SVIL: variants seen among roughly 807,000 people sequenced by gnomAD.
SVIL encodes the protein archvillin.
Under a neutral mutation model 240.4 loss-of-function variants are expected in SVIL, and 101 were observed. The ratio of observed to expected loss-of-function variants is 0.42; its 90% CI spans 0.36 to 0.50. SVIL has a LOEUF of 0.50. Ranked by LOEUF, SVIL falls within the 20% of genes least tolerant of loss-of-function variation. SVIL has a pLI of 0.01. For missense variants in SVIL, 2,512 were observed against 2,818.7 expected (o/e 0.89, Z 2.46); for synonymous variants, 999 against 1,100.0 (o/e 0.91, Z 1.82).
intron 1 of SVIL, among the ~76,000 whole-genome samples, chr10:29,701,238 G>A (rs1379910182): frequency 6.6e-6 from 1 of 152,028 alleles, no homozygotes; most frequent in Non-Finnish European, 1.5e-5. Context: ...TGATTTAGTA[G>A]CACTAGAAGA....
intron 6 of SVIL, among the ~76,000 whole-genome samples, chr10:29,540,734 A>G (rs1952085653): frequency 1.3e-5 from 2 of 152,160 alleles, no homozygotes; most frequent in African/African-American, 4.8e-5. Flanking sequence ...CACAGCCACA[A>G]CCCTGACTGG....
In SVIL at chr10:29,555,332, ACACACACACACATG is replaced by A. The variant is rs1373131858; in HGVS notation, c.-50-238_-50-225del. Reference sequence around the variant, plus strand: ...TGTGCAGACACACACACACACACACACACACACACACATGGACACACCCTAGGACGCATCATCCT... The same window carrying A: ...TGTGCAGACACACACACACACACACAGACACACCCTAGGACGCATCATCCT... On this transcript the variant is annotated intron_variant, in intron 3 of 37. Transcript: ENST00000355867. Among the ~76,000 whole-genome samples, 180 of 138,178 alleles carry A rather than the reference ACACACACACACATG, an allele frequency of 1.3e-3. 2 individuals are homozygous for A. Among genetic ancestry groups the A allele is most frequent in the Non-Finnish European group, 8.8e-4 (57 of 65,016 alleles). 90.7% of individuals were successfully genotyped at this position (138,178 alleles called of 152,430 possible).
chr10:29,557,903 G>T (rs931703387), intron 3 of SVIL, among the ~76,000 whole-genome samples: 1 of 152,192 alleles, frequency 6.6e-6, no homozygotes, highest in South Asian at 2.1e-4. Context: ...CTATGGGGGC[G>T]CTAATGGCTT....
intron 2 of SVIL, among the ~76,000 whole-genome samples, chr10:29,661,289 A>G (rs370727177): frequency 9.2e-5 from 14 of 152,294 alleles, no homozygotes; most frequent in African/African-American, 2.9e-4. Context: ...TGACAGGAAA[A>G]CCCCACCATC....
chr10:29,464,295 G>A (rs565590999), intron 34 of SVIL, among the ~76,000 whole-genome samples: 1 of 152,072 alleles, frequency 6.6e-6, no homozygotes, highest in South Asian at 2.1e-4. Context: ...AAAAATTAGC[G>A]AGGCATGGTG....
At position 29,532,743 on chromosome 10, in the gene SVIL, T is replaced by C. The variant is rs754761145; in HGVS notation, c.1624A>G (p.Lys542Glu). Residue 542 changes from lysine to glutamate, a missense_variant, in exon 8 of 38, where the codon AAG becomes GAG. By Grantham distance (56) the Lys-to-Glu change is moderately conservative. This residue lies in a region of SVIL where 1,443 missense variants were observed against 1,486.6 expected (regional missense o/e 0.97). Transcript: ENST00000355867. ...GHNREASKKR[K>E]VRTRSLSDFT... ...TCTGACAGAGAGCGGGTACGGACCT[T>C]GCGCTTTTTCGAGGCTTCCCTGTTG... 1.9e-6 allele frequency: 3 copies of C among 1,614,152 alleles called. No homozygotes were observed. The highest frequency in any genetic ancestry group is 2.5e-6 in the Non-Finnish European group (3 of 1,180,004).
chr10:29,545,853 C>CAAAAAAAAAAAAAAAAAAAAA (rs755360700), intron 6 of SVIL, among the ~76,000 whole-genome samples: 14 of 63,588 alleles, frequency 2.2e-4, no homozygotes, highest in African/African-American at 2.8e-4. Flanking sequence ...GACTCTGTCT[C>CAAAAAAAAAAAAAAAAAAAAA]AAAAAAAAAA....
rs142413079 is a variant in SVIL at position 29,700,464 on chromosome 10, T to C, written c.-399-13813A>G. 6.7e-3 allele frequency among the ~76,000 whole-genome samples: 842 copies of C among 125,126 alleles called. 11 individuals carry two copies. Among genetic ancestry groups the C allele is most frequent in the African/African-American group, 0.022 (779 of 34,632 alleles). The allele number at this position is 125,126 out of a possible 152,430, so 82.1% of individuals were successfully genotyped here. On this transcript the variant is annotated intron_variant, in intron 1 of 35. Coordinates refer to the SVIL transcript ENST00000375400. The stretch of plus-strand genomic sequence containing the variant: ...TAACACAGAGAAGAAATTCTTACTA[T>C]TTCCTTTTTTTTTTTTTTTTTTTGG...
rs185363725 is a variant in SVIL, at chr10:29,655,244, G to C, written c.-201+2725C>G. 3.1e-3 allele frequency among the ~76,000 whole-genome samples: 468 copies of C among 152,278 alleles called. 2 individuals carry two copies. Among genetic ancestry groups the C allele is most frequent in the South Asian group, 0.012 (56 of 4,828 alleles). ...CTGGGGAAGAGAGAAGCTGGTAGTG[G>C]TCAGTCCAAGTCCTAAAGCCTCAAA... is the stretch of plus-strand genomic sequence containing the variant. On this transcript the variant is annotated intron_variant, in intron 3 of 35. Coordinates refer to the SVIL transcript ENST00000375400.
At chr10:29,492,072 G>A (rs889722886) in intron 21 of SVIL, among the ~76,000 whole-genome samples, 8 of 152,076 alleles carry the variant, frequency 5.3e-5, no homozygotes, top group Admixed American at 4.6e-4. Context: ...GCCGTGGGTG[G>A]AGCCTGTCTA....
chr10:29,590,693 G>A (rs1168278516), intron 1 of SVIL, among the ~76,000 whole-genome samples: 2 of 151,984 alleles, frequency 1.3e-5, no homozygotes, highest in East Asian at 1.9e-4. Context: ...TTTTTAACCC[G>A]GACACATGCT....
At chr10:29,692,428 C>A (rs1018488300) in intron 1 of SVIL, among the ~76,000 whole-genome samples, 1 of 152,018 alleles carries the variant, frequency 6.6e-6, no homozygotes, top group Non-Finnish European at 1.5e-5. Context: ...CCTCTTTCCT[C>A]TTCTGGAAAA....
intron 3 of SVIL, among the ~76,000 whole-genome samples, chr10:29,651,082 G>T (rs1958818349): frequency 6.6e-6 from 1 of 152,102 alleles, no homozygotes; most frequent in East Asian, 1.9e-4. Context: ...AAAACCATCA[G>T]AGAACAAGGC....
At chr10:29,491,254 T>TG (rs764433428) in intron 21 of SVIL, among the ~76,000 whole-genome samples, 122 of 152,244 alleles carry the variant, frequency 8.0e-4, no homozygotes, top group Non-Finnish European at 1.3e-3. Context: ...TCATGCCCCT[T>TG]GGTCTCCTCC....
intron 1 of SVIL, among the ~76,000 whole-genome samples, chr10:29,690,543 A>G (rs546185615): frequency 2.6e-5 from 4 of 152,284 alleles, no homozygotes; most frequent in South Asian, 2.1e-4. Flanking sequence ...TCAGATCAGA[A>G]TATGCAATAC....
At chr10:29,599,158 T>C (rs1444835636) in intron 1 of SVIL, among the ~76,000 whole-genome samples, 2 of 152,008 alleles carry the variant, frequency 1.3e-5, no homozygotes, top group East Asian at 1.9e-4. Context: ...GAAAAAAAAA[T>C]GTTTCCTATA....
chr10:29,532,792 G>A lies in SVIL; in HGVS notation c.1575C>T (p.Ser525=), dbSNP rs1951468366. The A allele has an allele frequency of 3.7e-6, 6 of 1,614,090 alleles. No homozygotes were observed. Among genetic ancestry groups the A allele is most frequent in the African/African-American group, 1.3e-5 (1 of 75,004 alleles). ...TGTGACCAGTTGGTTTGGCGTCTTG[G>A]GACACAGGCTCACTTTGAATGTAGA... ...MVLYIQSEPV[S]QDAKPTGHNR... Residue 525 remains serine, a synonymous_variant, in exon 8 of 38, where the codon TCC becomes TCT. Transcript: ENST00000355867.
At chr10:29,487,107 C>T in intron 24 of SVIL, 56 bp downstream of exon 24, 1 of 1,591,600 alleles carries the variant, frequency 6.3e-7, no homozygotes. Context: ...GAAGAACACT[C>T]CTCCGGTGCG....
At chr10:29,526,289 T>G (rs1482570622) in intron 13 of SVIL, among the ~76,000 whole-genome samples, 1 of 150,214 alleles carries the variant, frequency 6.7e-6, no homozygotes, top group Non-Finnish European at 1.5e-5. Flanking sequence ...TTTTTTTTCT[T>G]TCTTTTTTTC....
Sources: gnomAD v4.1 joint callset for allele counts (sites outside exome capture counted in the v4.1 genomes callset) on GRCh38, gnomAD v4.1.1 for gene constraint, gnomAD v4.1.1 regional missense constraint, MANE v1.5 for transcripts, NCBI Gene and HGNC (gene_info 2026-07-23, HGNC 2026-07-21) for gene names.